KCNQ4: variants seen among roughly 807,000 people sequenced by gnomAD.
KCNQ4 encodes the protein potassium voltage-gated channel subfamily Q member 4.
In KCNQ4, 31 loss-of-function variants were observed where a neutral mutation model predicts 72.6. The ratio of observed to expected loss-of-function variants is 0.43; its 90% confidence interval spans 0.32 to 0.58. KCNQ4 has a LOEUF of 0.58. Among genes scored for constraint, KCNQ4 ranks in the 20% least tolerant of loss-of-function variants. KCNQ4 has a pLI of 0.08. For synonymous variants in KCNQ4, 405 were observed against 403.7 expected (o/e 1.00, Z -0.04); for missense variants, 869 against 962.6 (o/e 0.90, Z 1.29).
chr1:40,789,839 TG>T (rs1647245765), intron 1 of KCNQ4, among the ~76,000 whole-genome samples: 1 of 152,196 alleles, frequency 6.6e-6, no homozygotes, highest in Non-Finnish European at 1.5e-5. Flanking sequence ...TCAAAGGAGC[TG>T]GAACTGCCTG....
In KCNQ4 at chr1:40,818,258, T is replaced by C; in HGVS notation, c.500T>C (p.Phe167Ser). Residue 167 changes from phenylalanine (F) to serine (S), a missense_variant, in exon 3 of 14, where the codon TTC becomes TCC. This residue lies in a region of KCNQ4 where 179 missense variants were observed against 243.0 expected (regional missense o/e 0.74). Coordinates refer to ENST00000347132, the MANE Select transcript of KCNQ4 (RefSeq NM_004700.4). ...CCRYRGWQGR[F>S]RFARKPFCVI... ...CGCTACCGAGGATGGCAGGGTCGCT[T>C]CCGCTTTGCCAGAAAGCCCTTCTGT... 1 of 1,613,948 alleles carries C rather than the reference T, an allele frequency of 6.2e-7. No homozygotes were observed. The highest frequency in any genetic ancestry group is 1.1e-5 in the South Asian group (1 of 91,076).
chr1:40,817,321 A>G lies in KCNQ4; in HGVS notation c.371A>G (p.His124Arg), dbSNP rs968190941. The part of the protein sequence containing the change: ...VLSVLSTIQE[H>R]QELANECLLI... ...TCTGTGCTGTCCACTATCCAGGAGC[A>G]CCAGGAACTTGCCAACGAGTGTCTC... The change falls in exon 2 of 14, where the codon CAC (histidine) becomes CGC (arginine). Residue 124 changes from histidine (H) to arginine (R), a missense_variant. Transcript: ENST00000347132. The surrounding 1 kb of genome is among the most constrained non-coding windows in gnomAD (Gnocchi z 5.5). 1.9e-6 allele frequency: 3 copies of G among 1,613,840 alleles called. No homozygotes were observed. The highest frequency in any genetic ancestry group is 2.2e-5 in the East Asian group (1 of 44,896).
At position 40,818,530 on chromosome 1, in the gene KCNQ4, G is replaced by A; in HGVS notation, c.558G>A (p.Val186=). ...ACTTCATCGTGTTCGTGGCCTCGGT[G>A]GCCGTCATCGCCGCGGGTACCCAGG... ...VIDFIVFVAS[V]AVIAAGTQGN... Residue 186 remains valine (V), a synonymous_variant, in exon 4 of 14, where the codon GTG becomes GTA. Coordinates refer to ENST00000347132, the MANE Select transcript of KCNQ4 (RefSeq NM_004700.4). 1 of 1,602,426 alleles carries A rather than the reference G, an allele frequency of 6.2e-7. No individual in the cohort carries two copies.
chr1:40,805,233 C>T (rs901703406), intron 1 of KCNQ4: 1 of 152,156 alleles, frequency 6.6e-6, no homozygotes, highest in Non-Finnish European at 1.5e-5. Flanking sequence ...ATGGGGCAAA[C>T]GTCATTGCTC....
chr1:40,785,885 G>T (rs1056679682), intron 1 of KCNQ4, among the ~76,000 whole-genome samples: 1 of 152,128 alleles, frequency 6.6e-6, no homozygotes, highest in African/African-American at 2.4e-5. Context: ...AAGTGCGTTG[G>T]GGGTGGCAAC....
chr1:40,823,971 G>A, intron 8 of KCNQ4, 126 bp from the exon 9 acceptor site: 2 of 1,090,048 alleles, frequency 1.8e-6, no homozygotes, highest in South Asian at 2.7e-5. Context: ...ATTCTGGCCG[G>A]GCTGTCAGTG....
At position 40,784,848 on chromosome 1, in the gene KCNQ4, T is replaced by G. The variant is rs1365763084; in HGVS notation, c.314+441T>G. On this transcript the variant is annotated intron_variant, in intron 1 of 13. Coordinates refer to ENST00000347132, the MANE Select transcript of KCNQ4 (RefSeq NM_004700.4). This position sits in a 1 kb window ranked among gnomAD's most constrained non-coding sequence, Gnocchi z 4.1. ...GCTTCTGTCACCTGCTCCCCAGCTC[T>G]GAGCTATGAAGGGCTCCCCTCAGGG... 6.6e-6 allele frequency among the ~76,000 whole-genome samples: 1 copy of G among 152,208 alleles called. No individual in the cohort carries two copies. The highest frequency in any genetic ancestry group is 1.9e-4 in the East Asian group (1 of 5,184).
intron 13 of KCNQ4, 99 bp downstream of exon 13, chr1:40,837,893 G>T (rs1648852196): frequency 5.3e-6 from 8 of 1,503,228 alleles, no homozygotes; most frequent in Non-Finnish European, 6.3e-6. Flanking sequence ...CAGCCCAAGG[G>T]TCCCCGAGAA....
chr1:40,806,494 C>A (rs887206595), intron 1 of KCNQ4, among the ~76,000 whole-genome samples: 1 of 152,172 alleles, frequency 6.6e-6, no homozygotes, highest in Non-Finnish European at 1.5e-5. Context: ...CAGAACAAGT[C>A]GGAAGGTTTG....
At chr1:40,831,357 C>G (rs529696262) in intron 10 of KCNQ4, 53 bp downstream of exon 10, 1 of 1,448,330 alleles carries the variant, frequency 6.9e-7, no homozygotes, top group Non-Finnish European at 9.5e-7. Flanking sequence ...GGTGGCAGGG[C>G]GGGGACAGTC....
intron 9 of KCNQ4, among the ~76,000 whole-genome samples, chr1:40,830,844 G>A (rs1291744520): frequency 6.6e-6 from 1 of 152,134 alleles, no homozygotes; most frequent in Non-Finnish European, 1.5e-5. Flanking sequence ...ATCTGTCCGG[G>A]TGATGAGGGG....
intron 9 of KCNQ4, 148 bp downstream of exon 9, chr1:40,824,406 A>G (rs1648412617): frequency 1.2e-6 from 1 of 820,174 alleles, no homozygotes. Context: ...AGGGCCAGAC[A>G]GGTACAGACT....
In KCNQ4 at chr1:40,822,321, G is replaced by A; in HGVS notation, c.1049G>A (p.Trp350Ter). Residue 350 changes from tryptophan to a stop codon, truncating the protein, a stop_gained, in exon 8 of 14, where the codon TGG becomes TAG. Transcript: ENST00000347132. LOFTEE classifies it high-confidence loss of function. ...CGTCCCCCATACCACCAGGCTGCCTGGCGCCTGTACTCCACCGATATGAGC... is the reference window on the plus strand; with the variant it reads ...CGTCCCCCATACCACCAGGCTGCCTAGCGCCTGTACTCCACCGATATGAGC... ...MPAANLIQAA[W>*]RLYSTDMSRA... The A allele has an allele frequency of 6.2e-7, 1 of 1,613,928 alleles. No homozygotes were observed. Among genetic ancestry groups the A allele is most frequent in the Non-Finnish European group, 8.5e-7 (1 of 1,179,932 alleles).
chr1:40,820,994 AC>A (rs1648272577), intron 7 of KCNQ4, among the ~76,000 whole-genome samples: 1 of 152,010 alleles, frequency 6.6e-6, no homozygotes, highest in Non-Finnish European at 1.5e-5. Context: ...CTAGCCTGTC[AC>A]CCTCTGAGCC....
intron 4 of KCNQ4, 131 bp from the exon 5 acceptor site, chr1:40,819,216 G>T: frequency 1.8e-6 from 2 of 1,091,850 alleles, no homozygotes; most frequent in Non-Finnish European, 1.3e-6. Flanking sequence ...GTGATGGGAG[G>T]AGCTGAGAAA....
intron 1 of KCNQ4, among the ~76,000 whole-genome samples, chr1:40,785,592 G>A (rs150662123): frequency 1.3e-5 from 2 of 151,974 alleles, no homozygotes; most frequent in Admixed American, 6.6e-5. Context: ...CTAACTGTCC[G>A]CAGTCCTTCT....
At chr1:40,811,788 G>A (rs561372066) in intron 1 of KCNQ4, among the ~76,000 whole-genome samples, 2 of 152,332 alleles carry the variant, frequency 1.3e-5, no homozygotes, top group Admixed American at 1.3e-4. Flanking sequence ...ACAACTTGCA[G>A]GCAGACATGA....
At position 40,794,043 on chromosome 1, in the gene KCNQ4, G is replaced by A. The variant is rs187390798; in HGVS notation, c.314+9636G>A. On this transcript the variant is annotated intron_variant, in intron 1 of 13. Coordinates refer to ENST00000347132, the MANE Select transcript of KCNQ4 (RefSeq NM_004700.4). This position sits in a 1 kb window ranked among gnomAD's most constrained non-coding sequence, Gnocchi z 4.2. ...GGTGGCATTGGGGCCAAGTAGTAAG[G>A]ATGAGAAGGGTTTTGCCAACTAGAG... Among the ~76,000 whole-genome samples, 2 of 152,356 alleles carry A rather than the reference G, an allele frequency of 1.3e-5. No homozygotes were observed. The highest frequency in any genetic ancestry group is 4.8e-5 in the African/African-American group (2 of 41,578).
At chr1:40,802,272 GCGTCCCC>G (rs1304510750) in intron 1 of KCNQ4, among the ~76,000 whole-genome samples, 1 of 151,496 alleles carries the variant, frequency 6.6e-6, no homozygotes, top group Non-Finnish European at 1.5e-5. Flanking sequence ...CGGTGGCGTC[GCGTCCCC>G]CCTCTCCGCC....
Sources: gnomAD v4.1 joint callset for allele counts (sites outside exome capture counted in the v4.1 genomes callset) on GRCh38, gnomAD v4.1.1 for gene constraint, gnomAD v4.1.1 regional missense constraint, Gnocchi (gnomAD v3.1) non-coding constraint, MANE v1.5 for transcripts, NCBI Gene and HGNC (gene_info 2026-07-23, HGNC 2026-07-21) for gene names.